The following DNAJB6 variants were observed in gnomAD, a reference collection of about 807,000 sequenced individuals.
DNAJB6 encodes dnaJ homolog subfamily B member 6.
Under a neutral mutation model 42.7 loss-of-function variants are expected in DNAJB6, and 16 were observed. That is an observed-to-expected ratio of 0.37 (90% confidence interval 0.25 to 0.57). The LOEUF (loss-of-function observed/expected upper bound fraction) is 0.57, where lower values mean the gene tolerates loss of function less well. Ranked by LOEUF, DNAJB6 falls within the 20% of genes least tolerant of loss-of-function variation. DNAJB6 has a pLI of 0.74. For missense variants in DNAJB6, 347 were observed against 416.8 expected (o/e 0.83, Z 1.46); for synonymous variants, 170 against 163.5 (o/e 1.04, Z -0.30).
At chr7:157,345,460 A>C (rs1315930331) in intron 1 of DNAJB6, among the ~76,000 whole-genome samples, 7 of 151,982 alleles carry the variant, frequency 4.6e-5, no homozygotes, top group Non-Finnish European at 8.8e-5. Flanking sequence ...GAGTACAGGC[A>C]TGTGCCACCC....
chr7:157,381,935 C>T (rs527353068), intron 5 of DNAJB6: 10 of 185,202 alleles, frequency 5.4e-5, no homozygotes, highest in Non-Finnish European at 1.0e-4. Context: ...ACATCAGTGA[C>T]GTGAAAAGAG....
chr7:157,398,880 G>A (rs1402476641), intron 8 of DNAJB6, among the ~76,000 whole-genome samples: 1 of 152,152 alleles, frequency 6.6e-6, no homozygotes. Flanking sequence ...AATGTGTATT[G>A]CCTTTTCCGT....
At chr7:157,340,683 C>T (rs921677276) in intron 1 of DNAJB6, among the ~76,000 whole-genome samples, 2 of 152,080 alleles carry the variant, frequency 1.3e-5, no homozygotes, top group Non-Finnish European at 2.9e-5. Context: ...AGTTGACTGA[C>T]TGATTTACTT....
rs537908243 is a variant in DNAJB6 at position 157,416,275 on chromosome 7, G to A, written c.*177G>A. On this transcript the variant is annotated 3_prime_UTR_variant, in exon 10 of 10. Transcript: ENST00000262177. ...AGCAGGGTCAGGAGACGGGGCTGAC[G>A]GCACGGGTGGCGGGGACAGACGTTT... The A allele has an allele frequency of 9.3e-5, 89 of 957,310 alleles. 1 individual carries two copies. The South Asian group carries it at 1.3e-3, about 14-fold the overall frequency. 59.3% of individuals were successfully genotyped at this position (957,310 alleles called of 1,614,324 possible). A position where few individuals can be genotyped will look rare whatever the true frequency, so the allele number is the denominator to read the frequency against.
chr7:157,362,490 G>T lies in DNAJB6; in HGVS notation c.66-671G>T, dbSNP rs1005098461. On this transcript the variant is annotated intron_variant, in intron 2 of 9. Transcript: ENST00000262177. ...CCCAGGTTCCAGTGATTCTCCTGCC[G>T]CAGCCTCCTGAGTAGCTGGGATTAC... Among the ~76,000 whole-genome samples, 6 of 151,508 alleles carry T rather than the reference G, an allele frequency of 4.0e-5. No homozygotes were observed. In the East Asian group the frequency reaches 9.8e-4, roughly 25 times the overall value.
intron 8 of DNAJB6, among the ~76,000 whole-genome samples, chr7:157,403,398 C>T (rs1795612751): frequency 6.6e-6 from 1 of 152,170 alleles, no homozygotes; most frequent in African/African-American, 2.4e-5. Context: ...AACAACTGCT[C>T]TAGGGTAAAG....
At chr7:157,393,196 A>G (rs766664170) in intron 8 of DNAJB6, among the ~76,000 whole-genome samples, 8 of 152,036 alleles carry the variant, frequency 5.3e-5, no homozygotes, top group Non-Finnish European at 8.8e-5. Flanking sequence ...GGCTGATCCC[A>G]AACTCCTGAC....
At chr7:157,407,797 C>T (rs1388177602) in intron 8 of DNAJB6, among the ~76,000 whole-genome samples, 3 of 152,254 alleles carry the variant, frequency 2.0e-5, no homozygotes, top group African/African-American at 7.2e-5. Flanking sequence ...GTCCCGCTCT[C>T]TTGCCAGGGT....
At position 157,416,397 on chromosome 7, in the gene DNAJB6, A is replaced by G. The variant is rs939042113; in HGVS notation, c.*299A>G. The G allele has an allele frequency of 2.9e-5, 11 of 379,014 alleles. No homozygotes were observed. The highest frequency in any genetic ancestry group is 4.1e-5 in the Admixed American group (1 of 24,574). The allele number at this position is 379,014 out of a possible 1,614,324, so 23.5% of individuals were successfully genotyped here. On this transcript the variant is annotated 3_prime_UTR_variant, in exon 10 of 10. Coordinates refer to ENST00000262177, the MANE Select transcript of DNAJB6 (RefSeq NM_058246.4). ...CCTCTTCATTCTTTTCGGCTACTCA[A>G]CCACTCCGCATGCTGCTGGAATATT...
chr7:157,366,334 G>C (rs1799842684), intron 3 of DNAJB6, among the ~76,000 whole-genome samples, 168 bp from the exon 4 acceptor site: 1 of 152,186 alleles, frequency 6.6e-6, no homozygotes, highest in Admixed American at 6.5e-5. Context: ...GAGAGGTACA[G>C]AAAGTTTTCC....
intron 1 of DNAJB6, among the ~76,000 whole-genome samples, chr7:157,346,274 G>A (rs573940285): frequency 7.7e-5 from 11 of 143,696 alleles, no homozygotes; most frequent in South Asian, 6.7e-4. Context: ...AGGCTACTCC[G>A]GGCACACTGC....
intron 9 of DNAJB6, chr7:157,411,406 GATCCCT>G (rs2116665082): frequency 6.7e-6 from 1 of 148,154 alleles, no homozygotes; most frequent in African/African-American, 2.5e-5. Flanking sequence ...AGGTTCCCAG[GATCCCT>G]GCACTGAGCG....
chr7:157,354,341 T>G (rs1799163996), intron 1 of DNAJB6, among the ~76,000 whole-genome samples: 1 of 152,072 alleles, frequency 6.6e-6, no homozygotes, highest in African/African-American at 2.4e-5. Context: ...GAGACAAGGT[T>G]GCTCCATGTT....
chr7:157,366,648 A>C, intron 4 of DNAJB6, 87 bp downstream of exon 4: 1 of 1,267,380 alleles, frequency 7.9e-7, no homozygotes, highest in Non-Finnish European at 1.1e-6. Flanking sequence ...GTCAGAGTCG[A>C]TTTTGTATCA....
chr7:157,391,584 T>TC (rs1801343632), intron 8 of DNAJB6, among the ~76,000 whole-genome samples: 1 of 152,202 alleles, frequency 6.6e-6, no homozygotes, highest in African/African-American at 2.4e-5. Flanking sequence ...GAGTGGTCTA[T>TC]CTAGTGAGTG....
chr7:157,384,048 T>C (rs1800925546), intron 6 of DNAJB6, among the ~76,000 whole-genome samples: 1 of 152,206 alleles, frequency 6.6e-6, no homozygotes, highest in African/African-American at 2.4e-5. Flanking sequence ...CTTAGATGAT[T>C]GAATCATGTT....
At chr7:157,387,768 C>T (rs1801143450) in intron 8 of DNAJB6, among the ~76,000 whole-genome samples, 1 of 152,002 alleles carries the variant, frequency 6.6e-6, no homozygotes, top group Non-Finnish European at 1.5e-5. Context: ...CCTAAGGAAT[C>T]TTTCTTGTGA....
At chr7:157,345,450 G>C (rs1487813280) in intron 1 of DNAJB6, among the ~76,000 whole-genome samples, 1 of 152,044 alleles carries the variant, frequency 6.6e-6, no homozygotes, top group Admixed American at 6.6e-5. Flanking sequence ...GCATAGCTGG[G>C]AGTACAGGCA....
rs11329531 is a variant in DNAJB6, at chr7:157,342,333, ATTTTTTTT to A, written c.-27+5209_-27+5216del. ...CAGGCACGTGCCACTATCCTGGCTA[ATTTTTTTT>A]TTTTTTTTTTTTTTTTTTTGAGTTT... On this transcript the variant is annotated intron_variant, in intron 1 of 9. Transcript: ENST00000262177. Among the ~76,000 whole-genome samples the A allele has an allele frequency of 7.4e-4, 45 of 60,422 alleles. 1 individual carries two copies. The highest frequency in any genetic ancestry group is 2.7e-3 in the South Asian group (3 of 1,112). 39.6% of individuals were successfully genotyped at this position (60,422 alleles called of 152,430 possible). A position where few individuals can be genotyped will look rare whatever the true frequency, so the allele number is the denominator to read the frequency against.
Sources: allele counts gnomAD v4.1 joint callset (sites outside exome capture counted in the v4.1 genomes callset), GRCh38; gene constraint gnomAD v4.1.1; transcripts MANE v1.5; gene names NCBI Gene and HGNC (gene_info 2026-07-23, HGNC 2026-07-21).